KAZN: variants seen among roughly 807,000 people sequenced by gnomAD.
KAZN encodes the protein kazrin.
In KAZN, 40 loss-of-function variants were observed where a neutral mutation model predicts 87.4. That is an observed-to-expected ratio of 0.46 (90% CI 0.36 to 0.60). The LOEUF is 0.60. Ranked by LOEUF, KAZN falls within the 20% of genes least tolerant of loss-of-function variation. The pLI is 0.00. For synonymous variants in KAZN, 466 were observed against 458.3 expected, an observed-to-expected ratio of 1.02 and a Z score of -0.22; for missense variants, 898 against 1,073.9, an observed-to-expected ratio of 0.84 and a Z score of 2.29.
intron 2 of KAZN, among the ~76,000 whole-genome samples, chr1:14,375,845 G>A (rs1387371305): frequency 1.3e-5 from 2 of 151,834 alleles, no homozygotes; most frequent in African/African-American, 2.4e-5. Context: ...CGGAGATCAC[G>A]CCACTGCACT....
chr1:14,624,750 T>A (rs1375461603), intron 1 of KAZN, among the ~76,000 whole-genome samples: 1 of 152,180 alleles, frequency 6.6e-6, no homozygotes, highest in African/African-American at 2.4e-5. Flanking sequence ...CACGACCTGG[T>A]CACTATCTGC....
chr1:14,995,724 C>T (rs986386154), intron 2 of KAZN, among the ~76,000 whole-genome samples: 1 of 152,076 alleles, frequency 6.6e-6, no homozygotes, highest in Non-Finnish European at 1.5e-5. Context: ...TCAACTTGCT[C>T]TTCTCTGGAC....
Position 14,133,365 on chromosome 1 carries a change from CAAAA to C in KAZN, c.92-47058_92-47055del, listed in dbSNP as rs779709247. Among the ~76,000 whole-genome samples the C allele has an allele frequency of 3.7e-3, 97 of 26,562 alleles. 3 individuals are homozygous for C. The East Asian group carries it at 0.057, about 16-fold the overall frequency. The allele number at this position is 26,562 out of a possible 152,430, so 17.4% of individuals were successfully genotyped here. On this transcript the variant is annotated intron_variant, in intron 1 of 16. Transcript: ENST00000636203. ...CTGGTGACAGAGTGAGACTCCCTCTCAAAAAAAAAAAAAAAGAAAGAAAGAAAGA... is the reference window on the plus strand; with the variant it reads ...CTGGTGACAGAGTGAGACTCCCTCTCAAAAAAAAAAAGAAAGAAAGAAAGA...
At chr1:14,481,424 G>GAA (rs76140764) in intron 2 of KAZN, among the ~76,000 whole-genome samples, 50,584 of 151,362 alleles carry the variant, frequency 0.33, 8,607 homozygotes, top group East Asian at 0.44. Flanking sequence ...CAATTTTCTA[G>GAA]AAAAAAAACT....
chr1:14,864,424 G>A (rs574137372), intron 1 of KAZN, among the ~76,000 whole-genome samples: 34 of 152,236 alleles, frequency 2.2e-4, no homozygotes, highest in Non-Finnish European at 4.0e-4. Context: ...TTAGCTGGAC[G>A]TGGGGTGGGC....
intron 1 of KAZN, among the ~76,000 whole-genome samples, chr1:14,701,867 T>C (rs1440438928): frequency 1.3e-5 from 2 of 152,132 alleles, no homozygotes; most frequent in African/African-American, 4.8e-5. Flanking sequence ...ACTGGCTGCA[T>C]TTCCTTACGC....
rs538796946 is a variant in KAZN at position 14,729,954 on chromosome 1, G to A, written c.226+130731G>A. Among the ~76,000 whole-genome samples the A allele has an allele frequency of 3.3e-5, 5 of 152,220 alleles. No individual in the cohort carries two copies. In the South Asian group the frequency reaches 8.3e-4, roughly 25 times the overall value. ...TAAAGCTTTATTGGAACACAGGCAC[G>A]CCCATTCGTTCCTGTATTGTCTATC... On this transcript the variant is annotated intron_variant, in intron 1 of 14. Transcript: ENST00000376030.
At chr1:14,978,112 C>T (rs1423201771) in intron 2 of KAZN, among the ~76,000 whole-genome samples, 1 of 152,090 alleles carries the variant, frequency 6.6e-6, no homozygotes, top group African/African-American at 2.4e-5. Flanking sequence ...GCTCCCTCCC[C>T]GTGGCCTTCC....
chr1:14,945,195 G>A (rs1661614568), intron 1 of KAZN, among the ~76,000 whole-genome samples: 1 of 152,244 alleles, frequency 6.6e-6, no homozygotes, highest in Admixed American at 6.5e-5. Context: ...ACCCCTGCAG[G>A]CCTCGCAGCT....
intron 2 of KAZN, among the ~76,000 whole-genome samples, chr1:15,008,134 C>T (rs1669220673): frequency 6.6e-6 from 1 of 152,198 alleles, no homozygotes; most frequent in South Asian, 2.1e-4. Flanking sequence ...GGTAGCTGCT[C>T]CCCCTGGAAG....
chr1:13,983,783 C>T (rs1349820485), intron 1 of KAZN, among the ~76,000 whole-genome samples: 1 of 152,232 alleles, frequency 6.6e-6, no homozygotes, highest in South Asian at 2.1e-4. Flanking sequence ...ATTATCTCTC[C>T]ATGCACTTAC....
intron 13 of KAZN, among the ~76,000 whole-genome samples, chr1:15,109,935 G>GTGTT (rs879654014): frequency 0.26 from 34,305 of 132,872 alleles, 3,860 homozygotes; most frequent in South Asian, 0.38. Context: ...GTGTGTGTGT[G>GTGTT]TGTGTGTTTG....
intron 1 of KAZN, among the ~76,000 whole-genome samples, chr1:14,890,697 A>G (rs1654610190): frequency 6.6e-6 from 1 of 150,948 alleles, no homozygotes; most frequent in Non-Finnish European, 1.5e-5. Context: ...AAAGATCTGT[A>G]TTTTTTTTTA....
At chr1:14,701,237 C>T (rs1557899932) in intron 1 of KAZN, among the ~76,000 whole-genome samples, 1 of 152,222 alleles carries the variant, frequency 6.6e-6, no homozygotes. Context: ...CCTCCCACCT[C>T]AGCCTCCTGA....
intron 1 of KAZN, among the ~76,000 whole-genome samples, chr1:14,828,691 GT>G (rs887308263): frequency 2.2e-4 from 33 of 152,190 alleles, no homozygotes; most frequent in African/African-American, 7.7e-4. Flanking sequence ...CTTAAACTAT[GT>G]TTTTTTCCCC....
chr1:14,989,382 A>G (rs1667137187), intron 2 of KAZN, among the ~76,000 whole-genome samples: 2 of 152,240 alleles, frequency 1.3e-5, no homozygotes, highest in Admixed American at 6.5e-5. Flanking sequence ...AGGCTGAGAC[A>G]GGAGAATTGC....
At chr1:14,174,011 C>T (rs1389058857) in intron 1 of KAZN, among the ~76,000 whole-genome samples, 2 of 152,222 alleles carry the variant, frequency 1.3e-5, no homozygotes, top group Non-Finnish European at 2.9e-5. Context: ...TTGGTCTGTA[C>T]ATAGAAACAA....
At chr1:14,739,352 C>T (rs1644014515) in intron 1 of KAZN, among the ~76,000 whole-genome samples, 2 of 152,080 alleles carry the variant, frequency 1.3e-5, no homozygotes, top group Non-Finnish European at 2.9e-5. Context: ...CCTCTGGCTG[C>T]TACCCCATAC....
In KAZN at chr1:14,801,655, T is replaced by G. The variant is rs377678457; in HGVS notation, c.227-159029T>G. Among the ~76,000 whole-genome samples the G allele has an allele frequency of 1.2e-4, 19 of 152,004 alleles. No homozygotes were observed. In the East Asian group the frequency reaches 3.5e-3, roughly 28 times the overall value. ...GAGTTTATGTACTTGGGCTGCAAGG[T>G]CTCTCCTAAAGTTTTTTTTGTTTTT... On this transcript the variant is annotated intron_variant, in intron 1 of 14. Coordinates refer to ENST00000376030, the MANE Select transcript of KAZN (RefSeq NM_201628.3).
Sources: allele counts gnomAD v4.1 joint callset (sites outside exome capture counted in the v4.1 genomes callset), GRCh38; gene constraint gnomAD v4.1.1; transcripts MANE v1.5; gene names NCBI Gene and HGNC (gene_info 2026-07-23, HGNC 2026-07-21).